OPHN1: variants seen among roughly 807,000 people sequenced by gnomAD.
The protein encoded by OPHN1 is oligophrenin-1.
Under a neutral mutation model 60.7 loss-of-function variants are expected in OPHN1, and 11 were observed. The ratio of observed to expected loss-of-function variants is 0.18; its 90% CI spans 0.11 to 0.30. The LOEUF (loss-of-function observed/expected upper bound fraction) is 0.30. OPHN1 is among the 10% of genes least tolerant of loss of function. The pLI, the probability that OPHN1 is intolerant of heterozygous loss-of-function variation, is 1.00. For synonymous variants in OPHN1, 226 were observed against 222.6 expected (o/e 1.02, Z -0.14); for missense variants, 449 against 611.0 (o/e 0.73, Z 2.80).
chrX:68,207,285 C>T (rs571488994), intron 9 of OPHN1, among the ~76,000 whole-genome samples: 5 of 108,558 alleles, frequency 4.6e-5, no homozygotes, highest in African/African-American at 1.7e-4. Flanking sequence ...CCCACCACCA[C>T]GCCCGGCTAA....
At chrX:68,171,506 C>T (rs1410383026) in intron 15 of OPHN1, among the ~76,000 whole-genome samples, 2 of 111,047 alleles carry the variant, frequency 1.8e-5, no homozygotes, top group African/African-American at 3.3e-5. Context: ...GAGGCTGAGG[C>T]GGGCAGATCA....
chrX:68,216,979 C>T (rs1465391610), intron 6 of OPHN1, among the ~76,000 whole-genome samples: 1 of 111,960 alleles, frequency 8.9e-6, no homozygotes, highest in Non-Finnish European at 1.9e-5. Flanking sequence ...GTGAGCGACG[C>T]AGAAGACGGG....
intron 15 of OPHN1, among the ~76,000 whole-genome samples, chrX:68,144,155 A>G (rs1398208045): frequency 9.0e-6 from 1 of 110,588 alleles, no homozygotes; most frequent in African/African-American, 3.3e-5. Flanking sequence ...GAGCCTCCCA[A>G]GTACAGGAGA....
intron 15 of OPHN1, among the ~76,000 whole-genome samples, chrX:68,126,450 A>T (rs766898353): frequency 1.9e-5 from 2 of 105,053 alleles, no homozygotes; most frequent in East Asian, 3.0e-4. Flanking sequence ...CTGCAATTCA[A>T]TTTTTTTTTT....
chrX:68,169,370 G>T (rs2077377340), intron 15 of OPHN1, among the ~76,000 whole-genome samples: 1 of 111,172 alleles, frequency 9.0e-6, no homozygotes, highest in South Asian at 3.9e-4. Flanking sequence ...GTAATTTATA[G>T]ATTTAATGCC....
intron 18 of OPHN1, among the ~76,000 whole-genome samples, chrX:68,111,410 C>A (rs1323930651): frequency 8.9e-6 from 1 of 112,238 alleles, no homozygotes; most frequent in African/African-American, 3.2e-5. Context: ...AGAAGTTGAC[C>A]AGAATCTTAA....
intron 15 of OPHN1, among the ~76,000 whole-genome samples, chrX:68,136,310 T>TTTTTTTTTTTTTTTG (rs2077219642): frequency 1.3e-5 from 1 of 76,144 alleles, no homozygotes; most frequent in Non-Finnish European, 2.6e-5. Context: ...TTTTTTTTTT[T>TTTTTTTTTTTTTTTG]TTTTTGTTTT....
intron 12 of OPHN1, among the ~76,000 whole-genome samples, chrX:68,195,926 A>C (rs1185766338): frequency 9.0e-6 from 1 of 111,677 alleles, no homozygotes; most frequent in Admixed American, 9.6e-5. Context: ...ATTCTTGAAA[A>C]CCTAAAGGGA....
intron 2 of OPHN1, among the ~76,000 whole-genome samples, chrX:68,350,301 C>A (rs894910464): frequency 9.0e-5 from 10 of 111,302 alleles, no homozygotes; most frequent in Non-Finnish European, 1.9e-5. Flanking sequence ...ATTTTAACAA[C>A]CAGTGAATAA....
intron 7 of OPHN1, among the ~76,000 whole-genome samples, chrX:68,212,880 TTGAA>T (rs1335668603): frequency 8.9e-6 from 1 of 112,572 alleles, no homozygotes; most frequent in African/African-American, 3.2e-5. Flanking sequence ...TAAATATTTC[TTGAA>T]TGAATGAAAG....
At chrX:68,306,291 C>T (rs2078144804) in intron 2 of OPHN1, among the ~76,000 whole-genome samples, 1 of 112,340 alleles carries the variant, frequency 8.9e-6, no homozygotes, top group African/African-American at 3.2e-5. Context: ...TACCTCTGCT[C>T]CCAAGCCTCT....
intron 2 of OPHN1, among the ~76,000 whole-genome samples, chrX:68,356,277 C>CCAAG (rs1323743371): frequency 9.0e-6 from 1 of 110,903 alleles, no homozygotes; most frequent in Non-Finnish European, 1.9e-5. Flanking sequence ...TGATTTACCC[C>CCAAG]CAAGCAAGAG....
rs2147429762 is a variant in OPHN1 at position 68,111,900 on chromosome X, C to G, written c.1480G>C (p.Glu494Gln). The G allele has an allele frequency of 8.3e-7, 1 of 1,206,616 alleles. No homozygotes were observed. The highest frequency in any genetic ancestry group is 1.1e-6 in the Non-Finnish European group (1 of 892,534). The stretch of plus-strand genomic sequence containing the variant: ...AGTTCCAGCATCTCTCGGTTCTTTT[C>G]TGGTAGCTTATATACCAGGGAGTGA... ...AIHSLVYKLP[E>Q]KNREMLELLI... Residue 494 changes from glutamate (E) to glutamine (Q), a missense_variant, in exon 18 of 25, where the codon GAA becomes CAA. By Grantham distance (29) the Glu-to-Gln change is conservative. Transcript: ENST00000355520.
intron 2 of OPHN1, among the ~76,000 whole-genome samples, chrX:68,410,965 A>C (rs1223798275): frequency 8.9e-6 from 1 of 112,041 alleles, no homozygotes; most frequent in African/African-American, 3.2e-5. Flanking sequence ...ATTCTGACAC[A>C]TGTTACAAGA....
chrX:68,380,654 A>G (rs1481580694), intron 2 of OPHN1, among the ~76,000 whole-genome samples: 1 of 111,391 alleles, frequency 9.0e-6, no homozygotes, highest in African/African-American at 3.3e-5. Context: ...GGTTTCAAAG[A>G]ACATCTTTAT....
chrX:68,314,193 T>C (rs1357179990), intron 2 of OPHN1, among the ~76,000 whole-genome samples: 1 of 111,376 alleles, frequency 9.0e-6, no homozygotes, highest in Non-Finnish European at 1.9e-5. Flanking sequence ...ACTGAATAAA[T>C]GAATGCCATT....
chrX:68,260,889 C>T (rs1231111188), intron 5 of OPHN1, among the ~76,000 whole-genome samples: 2 of 110,811 alleles, frequency 1.8e-5, no homozygotes, highest in African/African-American at 6.6e-5. Flanking sequence ...GAATGCAGAC[C>T]AACACTAACA....
intron 13 of OPHN1, among the ~76,000 whole-genome samples, 196 bp downstream of exon 13, chrX:68,194,269 G>A (rs368577619): frequency 1.8e-5 from 2 of 112,368 alleles, no homozygotes; most frequent in Admixed American, 9.4e-5. Context: ...TACCCACGAT[G>A]TAAGCTAACA....
chrX:68,406,653 G>A (rs1477012813), intron 2 of OPHN1, among the ~76,000 whole-genome samples: 2 of 111,464 alleles, frequency 1.8e-5, no homozygotes, highest in African/African-American at 6.5e-5. Context: ...CTTCTACTAT[G>A]CATATGTAAT....
Sources: allele counts gnomAD v4.1 joint callset (sites outside exome capture counted in the v4.1 genomes callset), GRCh38; gene constraint gnomAD v4.1.1; transcripts MANE v1.5; gene names NCBI Gene and HGNC (gene_info 2026-07-23, HGNC 2026-07-21).